Variants in PTRH2 observed in about 807,000 individuals in gnomAD.
The protein encoded by PTRH2 is peptidyl-tRNA hydrolase 2.
In PTRH2, 10 loss-of-function variants were observed where a neutral mutation model predicts 12.3. That is an observed-to-expected ratio of 0.81 (90% CI 0.50 to 1.38). The LOEUF is 1.38. Among genes scored for constraint, PTRH2 ranks in the 40% most tolerant of loss-of-function variants. The pLI is 0.00. For synonymous variants in PTRH2, 73 were observed against 77.4 expected (o/e 0.94, Z 0.30); for missense variants, 176 against 214.1 (o/e 0.82, Z 1.11).
intron 1 of PTRH2, among the ~76,000 whole-genome samples, chr17:59,705,996 C>T (rs2033645669): frequency 6.6e-6 from 1 of 151,448 alleles, no homozygotes; most frequent in Non-Finnish European, 1.5e-5. Flanking sequence ...TCCCATATCT[C>T]AATGGAGTGT....
At chr17:59,704,361 C>G (rs1348136675) in intron 1 of PTRH2, among the ~76,000 whole-genome samples, 1 of 151,806 alleles carries the variant, frequency 6.6e-6, no homozygotes, top group Non-Finnish European at 1.5e-5. Context: ...TAGTTTTGTT[C>G]TGAACAAAAG....
At chr17:59,705,101 T>C (rs1241423491) in intron 1 of PTRH2, among the ~76,000 whole-genome samples, 2 of 152,228 alleles carry the variant, frequency 1.3e-5, no homozygotes, top group Non-Finnish European at 2.9e-5. Flanking sequence ...TTCTATTTGA[T>C]GCTTACATAT....
At chr17:59,706,655 AG>A (rs1178611973) in intron 1 of PTRH2, among the ~76,000 whole-genome samples, 1 of 140,056 alleles carries the variant, frequency 7.1e-6, no homozygotes, top group Non-Finnish European at 1.5e-5. Context: ...TGTGTGAAAA[AG>A]GGGGGAAATT....
At chr17:59,703,362 C>T (rs1041063298) in intron 1 of PTRH2, among the ~76,000 whole-genome samples, 1 of 151,876 alleles carries the variant, frequency 6.6e-6, no homozygotes, top group East Asian at 1.9e-4. Context: ...ATGGGTTTAT[C>T]AGGATATAAC....
chr17:59,697,429 C>A lies in PTRH2; in HGVS notation c.*10G>T. ...TGTGATGGAGGGGTTGTTGTCATATCAAAGTCCACCTAGTAAAGTTTTAGG... is the reference window on the plus strand; with the variant it reads ...TGTGATGGAGGGGTTGTTGTCATATAAAAGTCCACCTAGTAAAGTTTTAGG... On this transcript the variant is annotated 3_prime_UTR_variant, in exon 2 of 2. Transcript: ENST00000393038. 6.3e-7 allele frequency: 1 copy of A among 1,596,594 alleles called. No homozygotes were observed. Among genetic ancestry groups the A allele is most frequent in the South Asian group, 1.1e-5 (1 of 89,544 alleles).
chr17:59,706,495 T>C (rs1415201425), intron 1 of PTRH2, among the ~76,000 whole-genome samples: 1 of 151,626 alleles, frequency 6.6e-6, no homozygotes, highest in African/African-American at 2.4e-5. Flanking sequence ...GGGTCTGCAG[T>C]TTACAACCGA....
At chr17:59,703,867 G>A (rs767988444) in intron 1 of PTRH2, among the ~76,000 whole-genome samples, 3 of 149,042 alleles carry the variant, frequency 2.0e-5, no homozygotes, top group Admixed American at 1.4e-4. Flanking sequence ...GAGTGCAGTG[G>A]TGCAATCTTG....
chr17:59,697,623 T>C lies in PTRH2; in HGVS notation c.356A>G (p.Lys119Arg), dbSNP rs1346876474. Reference protein sequence around the residue: ...EYCGQPKVVVKAPDEETLIAL... With the variant: ...EYCGQPKVVVRAPDEETLIAL... ...AATCAGGGTTTCTTCATCAGGAGCT[T>C]TGACCACCACCTTGGGCTGGCCACA... The change falls in exon 2 of 2, where the codon AAA becomes AGA. Residue 119 changes from lysine (K) to arginine (R), a missense_variant. By Grantham distance (26) the Lys-to-Arg change is conservative (BLOSUM62 2). Coordinates refer to ENST00000393038, the MANE Select transcript of PTRH2 (RefSeq NM_016077.5). 12 of 1,614,220 alleles carry C rather than the reference T, an allele frequency of 7.4e-6. No homozygotes were observed. The highest frequency in any genetic ancestry group is 1.7e-5 in the Admixed American group (1 of 60,026).
chr17:59,698,859 A>G (rs1410647227), intron 1 of PTRH2: 12 of 716,108 alleles, frequency 1.7e-5, no homozygotes, highest in Admixed American at 8.0e-5. Context: ...CAATGGTTGT[A>G]TGGGTACTCA....
intron 1 of PTRH2, among the ~76,000 whole-genome samples, chr17:59,701,888 T>C (rs2033561015): frequency 6.7e-6 from 1 of 149,610 alleles, no homozygotes; most frequent in Non-Finnish European, 1.5e-5. Context: ...GTATTTTTAG[T>C]AGAGACAGGG....
intron 1 of PTRH2, 182 bp from the exon 2 acceptor site, chr17:59,698,160 A>G: frequency 1.6e-6 from 1 of 613,266 alleles, no homozygotes; most frequent in East Asian, 2.8e-5. Flanking sequence ...AGTGTACTAG[A>G]AAAGATTCAA....
chr17:59,697,935 C>G lies in PTRH2; in HGVS notation c.44G>C (p.Ser15Thr). 6.2e-7 allele frequency: 1 copy of G among 1,613,864 alleles called. No individual in the cohort carries two copies. Among genetic ancestry groups the G allele is most frequent in the Non-Finnish European group, 8.5e-7 (1 of 1,180,030 alleles). The change falls in exon 2 of 2, where the codon AGT becomes ACT. Residue 15 changes from serine to threonine, a missense_variant. Physicochemically the swap from Ser to Thr is moderately conservative, Grantham distance 58 (BLOSUM62 1). Transcript: ENST00000393038. ...SLVMEYLAHPSTLGLAVGVAC... is the reference protein window; with the variant it reads ...SLVMEYLAHPTTLGLAVGVAC... The stretch of plus-strand genomic sequence containing the variant: ...AACTCCAACAGCCAAGCCGAGTGTA[C>G]TGGGATGAGCCAAATATTCCATAAC...
intron 1 of PTRH2, among the ~76,000 whole-genome samples, chr17:59,701,830 C>A (rs1431503358): frequency 6.6e-6 from 1 of 151,712 alleles, no homozygotes; most frequent in Non-Finnish European, 1.5e-5. Flanking sequence ...CTCAGCCTCC[C>A]TACAGGCACC....
chr17:59,702,781 A>G lies in PTRH2; in HGVS notation c.-1+4590T>C, dbSNP rs184460850. 1.6e-3 allele frequency among the ~76,000 whole-genome samples: 242 copies of G among 152,316 alleles called. 1 individual carries two copies. Among genetic ancestry groups the G allele is most frequent in the Non-Finnish European group, 2.5e-3 (168 of 68,034 alleles). On this transcript the variant is annotated intron_variant, in intron 1 of 1. Transcript: ENST00000393038. ...TTTCGCTTAAGCTTTTTGGCTTTAC[A>G]ATGGTTCAAAAGCAACACATATTCA... is the stretch of plus-strand genomic sequence containing the variant.
intron 1 of PTRH2, among the ~76,000 whole-genome samples, chr17:59,701,722 T>C (rs2033556681): frequency 6.6e-6 from 1 of 152,194 alleles, no homozygotes; most frequent in Non-Finnish European, 1.5e-5. Flanking sequence ...GTTTGTCTAT[T>C]TGAGATGGAG....
At chr17:59,705,748 A>C (rs1042881372) in intron 1 of PTRH2, among the ~76,000 whole-genome samples, 2 of 152,168 alleles carry the variant, frequency 1.3e-5, no homozygotes, top group African/African-American at 4.8e-5. Context: ...CATCTTTACA[A>C]AAAATTTAAA....
At chr17:59,699,412 G>A (rs59059503) in intron 1 of PTRH2, 2,026 of 154,968 alleles carry the variant, frequency 0.013, 39 homozygotes, top group African/African-American at 0.043. Flanking sequence ...TTACCAGCAC[G>A]TGCTGCCTCA....
intron 1 of PTRH2, chr17:59,699,393 G>C (rs1027924146): frequency 6.4e-6 from 1 of 155,160 alleles, no homozygotes; most frequent in African/African-American, 2.4e-5. Context: ...AAAAGCTATG[G>C]CACCTTCATT....
intron 1 of PTRH2, chr17:59,700,161 T>G (rs2033530213): frequency 6.6e-6 from 1 of 152,248 alleles, no homozygotes; most frequent in African/African-American, 2.4e-5. Context: ...AGTCGGAGAC[T>G]GTCCATACTG....
Sources: gnomAD v4.1 joint callset for allele counts (sites outside exome capture counted in the v4.1 genomes callset) on GRCh38, gnomAD v4.1.1 for gene constraint, MANE v1.5 for transcripts, NCBI Gene and HGNC (gene_info 2026-07-23, HGNC 2026-07-21) for gene names.